TRIM72: variants seen among roughly 807,000 people sequenced by gnomAD.
TRIM72 encodes tripartite motif containing 72, also known as tripartite motif-containing protein 72.
A neutral mutation model predicts 31.6 loss-of-function variants in TRIM72; 33 were observed. The observed-to-expected ratio is 1.04, with a 90% CI of 0.79 to 1.40. The LOEUF (loss-of-function observed/expected upper bound fraction) is 1.40. Ranked by LOEUF, TRIM72 falls within the 40% of genes most tolerant of loss-of-function variation. The probability of loss-of-function intolerance (pLI) is 0.00; values close to 1 mark genes in which losing one functional copy is unlikely to be tolerated. For synonymous variants in TRIM72, 301 were observed against 314.4 expected (o/e 0.96, Z 0.45); for missense variants, 666 against 682.7 (o/e 0.98, Z 0.27).
intron 2 of TRIM72, chr16:31,217,280 G>A: frequency 1.9e-6 from 1 of 530,664 alleles, no homozygotes; most frequent in Non-Finnish European, 3.3e-6. Context: ...CTGCAGAGGA[G>A]GAAACAGGTT....
At position 31,224,803 on chromosome 16, in the gene TRIM72, A is replaced by G. The variant is rs1235130311; in HGVS notation, c.*48A>G. 3.5e-6 allele frequency: 5 copies of G among 1,408,892 alleles called. No homozygotes were observed. In the East Asian group the frequency reaches 1.1e-4, roughly 30 times the overall value. The allele number at this position is 1,408,892 out of a possible 1,614,324, so 87.3% of individuals were successfully genotyped here. On this transcript the variant is annotated 3_prime_UTR_variant, in exon 7 of 7. Coordinates refer to ENST00000322122, the MANE Select transcript of TRIM72 (RefSeq NM_001008274.4). Reference sequence around the variant, plus strand: ...GGCGCGGGGGCCTGGGTTGAAGCTTAGGTCTCCTTGGTCGGGTCTGACGGG... The same window carrying G: ...GGCGCGGGGGCCTGGGTTGAAGCTTGGGTCTCCTTGGTCGGGTCTGACGGG...
rs2079499032 is a variant in TRIM72, at chr16:31,214,794, A to C, written c.56A>C (p.Gln19Pro). ...GAGCTGTCCTGCCCGCTGTGCCTGC[A>C]GCTGTTCGACGCGCCCGTGACAGCC... ...HQELSCPLCL[Q>P]LFDAPVTAEC... The change falls in exon 2 of 7, where the codon CAG becomes CCG. Residue 19 changes from glutamine to proline, a missense_variant. Transcript: ENST00000322122. 6.3e-7 allele frequency: 1 copy of C among 1,581,956 alleles called. No homozygotes were observed. Among genetic ancestry groups the C allele is most frequent in the South Asian group, 1.1e-5 (1 of 89,072 alleles).
intron 5 of TRIM72, 75 bp downstream of exon 5, chr16:31,220,993 A>C (rs1363520201): frequency 1.3e-6 from 2 of 1,585,248 alleles, no homozygotes; most frequent in African/African-American, 2.7e-5. Context: ...CTCACTCTCC[A>C]CTCACTATTG....
intron 2 of TRIM72, among the ~76,000 whole-genome samples, chr16:31,217,975 G>A (rs2079517926): frequency 6.6e-6 from 1 of 152,148 alleles, no homozygotes; most frequent in Non-Finnish European, 1.5e-5. Flanking sequence ...GTACAGGCAG[G>A]CTGACTTGGT....
chr16:31,216,436 A>C lies in TRIM72; in HGVS notation c.390+1308A>C, dbSNP rs996835909. On this transcript the variant is annotated intron_variant, in intron 2 of 6. Coordinates refer to ENST00000322122, the MANE Select transcript of TRIM72 (RefSeq NM_001008274.4). This position sits in a 1 kb window ranked among gnomAD's most constrained non-coding sequence, Gnocchi z 6.7. ...CTTGCTGCCGCTAAAAAAAAAACAA[A>C]AAACAAACAAACAAAAAAAACCCAA... The C allele has an allele frequency of 2.3e-5, 8 of 352,706 alleles. No individual in the cohort carries two copies. The highest frequency in any genetic ancestry group is 4.1e-5 in the Non-Finnish European group (8 of 195,004). The allele number at this position is 352,706 out of a possible 1,614,324, so 21.8% of individuals were successfully genotyped here.
In TRIM72 at chr16:31,219,539, C is replaced by G; in HGVS notation, c.717+20C>G. ...CTCATGGTGAGCACTGGGTGACCCCCCTCCCTGCCTCAGCCCCCTGCTCAG... is the reference window on the plus strand; with the variant it reads ...CTCATGGTGAGCACTGGGTGACCCCGCTCCCTGCCTCAGCCCCCTGCTCAG... On this transcript the variant is annotated intron_variant, in intron 4 of 6. Coordinates refer to ENST00000322122, the MANE Select transcript of TRIM72 (RefSeq NM_001008274.4). The surrounding 1 kb of genome is among the most constrained non-coding windows in gnomAD (Gnocchi z 4.2). 6.3e-7 allele frequency: 1 copy of G among 1,592,932 alleles called. No homozygotes were observed. The highest frequency in any genetic ancestry group is 8.6e-7 in the Non-Finnish European group (1 of 1,168,530).
intron 5 of TRIM72, among the ~76,000 whole-genome samples, chr16:31,222,424 A>G (rs1450405000): frequency 6.7e-6 from 1 of 150,338 alleles, no homozygotes; most frequent in African/African-American, 2.4e-5. Context: ...AAACCAAATA[A>G]ACAGTGGTAA....
At position 31,214,810 on chromosome 16, in the gene TRIM72, C is replaced by T. The variant is rs897606182; in HGVS notation, c.72C>T (p.Pro24=). 3 of 1,573,594 alleles carry T rather than the reference C, an allele frequency of 1.9e-6. No individual in the cohort carries two copies. Among genetic ancestry groups the T allele is most frequent in the African/African-American group, 1.4e-5 (1 of 72,456 alleles). ...CPLCLQLFDA[P]VTAECGHSFC... ...TGTGCCTGCAGCTGTTCGACGCGCC[C>T]GTGACAGCCGAGTGCGGCCACAGTT... is the stretch of plus-strand genomic sequence containing the variant. The change falls in exon 2 of 7, where the codon CCC becomes CCT. Residue 24 remains proline (P), a synonymous_variant. Coordinates refer to ENST00000322122, the MANE Select transcript of TRIM72 (RefSeq NM_001008274.4).
rs904187536 is a variant in TRIM72, at chr16:31,215,364, C to T, written c.390+236C>T. 6.6e-6 allele frequency among the ~76,000 whole-genome samples: 1 copy of T among 152,164 alleles called. No homozygotes were observed. The highest frequency in any genetic ancestry group is 6.5e-5 in the Admixed American group (1 of 15,280). On this transcript the variant is annotated intron_variant, in intron 2 of 6. Coordinates refer to ENST00000322122, the MANE Select transcript of TRIM72 (RefSeq NM_001008274.4). This position sits in a 1 kb window ranked among gnomAD's most constrained non-coding sequence, Gnocchi z 6.3. ...CCTGGCGATAAGGGCGCTGAGCAAA[C>T]GTAGGTTTCCCGGCCTTAGTCCCTA...
chr16:31,223,533 G>A (rs1189649412), intron 6 of TRIM72, among the ~76,000 whole-genome samples: 1 of 152,192 alleles, frequency 6.6e-6, no homozygotes, highest in Non-Finnish European at 1.5e-5. Flanking sequence ...CTAGGCTGAT[G>A]TGAAGATCAG....
At position 31,226,326 on chromosome 16, in the gene TRIM72, A is replaced by T. The variant is rs1438780968; in HGVS notation, c.*1571A>T. 2 of 152,144 alleles carry T rather than the reference A, an allele frequency of 1.3e-5. No homozygotes were observed. Among genetic ancestry groups the T allele is most frequent in the Non-Finnish European group, 2.9e-5 (2 of 68,030 alleles). The allele number at this position is 152,144 out of a possible 1,614,324, so 9.4% of individuals were successfully genotyped here. On this transcript the variant is annotated 3_prime_UTR_variant, in exon 7 of 7. Transcript: ENST00000322122. The stretch of plus-strand genomic sequence containing the variant: ...AAGCAAAGACACTTAAGGGCTGGGT[A>T]CTCATGCCTGTAAACCCAACACTTT...
Position 31,216,960 on chromosome 16 carries a change from G to GGGGC in TRIM72, c.390+1832_390+1833insGGGC, listed in dbSNP as rs1179179958. ...GCGGCACCGTCCCCAGCTTCATCTT[G>GGGGC]AACTTCTTGAGCTCCTCCGGTGTCA... On this transcript the variant is annotated intron_variant, in intron 2 of 6. Coordinates refer to ENST00000322122, the MANE Select transcript of TRIM72 (RefSeq NM_001008274.4). This position sits in a 1 kb window ranked among gnomAD's most constrained non-coding sequence, Gnocchi z 6.7. 7 of 1,614,042 alleles carry GGGGC rather than the reference G, an allele frequency of 4.3e-6. No homozygotes were observed. The highest frequency in any genetic ancestry group is 5.9e-6 in the Non-Finnish European group (7 of 1,180,030).
intron 6 of TRIM72, among the ~76,000 whole-genome samples, chr16:31,223,685 C>T (rs1032868379): frequency 2.0e-5 from 3 of 152,092 alleles, no homozygotes; most frequent in African/African-American, 4.8e-5. Context: ...GGGAGGATCA[C>T]TTGAGCCCAG....
intron 5 of TRIM72, among the ~76,000 whole-genome samples, chr16:31,221,705 GGGCATTGCGGGGAGAAA>G (rs1451578964): frequency 3.8e-4 from 55 of 144,370 alleles, no homozygotes; most frequent in African/African-American, 1.4e-3. Flanking sequence ...GTGGGGAGAA[GGGCATTGCGGGGAGAAA>G]GGCATTGCTG....
At position 31,215,227 on chromosome 16, in the gene TRIM72, G is replaced by C. The variant is rs2079502202; in HGVS notation, c.390+99G>C. On this transcript the variant is annotated intron_variant, in intron 2 of 6. Coordinates refer to ENST00000322122, the MANE Select transcript of TRIM72 (RefSeq NM_001008274.4). The surrounding 1 kb of genome is among the most constrained non-coding windows in gnomAD (Gnocchi z 6.3). ...GATTTGGATTCTGAGTCTCTAGAGA[G>C]GCTCACGAGCTCCTGGAGTTGCGGG... 1 of 1,346,444 alleles carries C rather than the reference G, an allele frequency of 7.4e-7. No homozygotes were observed. Among genetic ancestry groups the C allele is most frequent in the Non-Finnish European group, 9.5e-7 (1 of 1,048,288 alleles). 83.4% of individuals were successfully genotyped at this position (1,346,444 alleles called of 1,614,324 possible). A position where few individuals can be genotyped will look rare whatever the true frequency, so the allele number is the denominator to read the frequency against.
chr16:31,222,718 T>G, intron 5 of TRIM72, 109 bp from the exon 6 acceptor site: 1 of 600,966 alleles, frequency 1.7e-6, no homozygotes, highest in South Asian at 2.3e-5. Flanking sequence ...AAACCAAAAC[T>G]CCAAAGGAAG....
In TRIM72 at chr16:31,224,268, A is replaced by C; in HGVS notation, c.947A>C (p.Gln316Pro). The change falls in exon 7 of 7, where the codon CAG becomes CCG. Residue 316 changes from glutamine (Q) to proline (P), a missense_variant. Gln to Pro is a moderately conservative substitution (Grantham distance 76, BLOSUM62 -1). Coordinates refer to ENST00000322122, the MANE Select transcript of TRIM72 (RefSeq NM_001008274.4). Reference sequence around the variant, plus strand: ...GGCCGCCGCGTGGAGTGCTCGGAGCAGAAGGCGCCGCCGGCCGGGGAGGAC... The same window carrying C: ...GGCCGCCGCGTGGAGTGCTCGGAGCCGAAGGCGCCGCCGGCCGGGGAGGAC... The part of the protein sequence containing the change: ...SSGRRVECSE[Q>P]KAPPAGEDPR... The C allele has an allele frequency of 6.2e-7, 1 of 1,604,314 alleles. No individual in the cohort carries two copies. Among genetic ancestry groups the C allele is most frequent in the South Asian group, 1.1e-5 (1 of 90,908 alleles).
Position 31,216,429 on chromosome 16 carries a change from A to C in TRIM72, c.390+1301A>C, listed in dbSNP as rs560417722. ...AATAAATCTTGCTGCCGCTAAAAAAAAAACAAAAAACAAACAAACAAAAAA... is the reference window on the plus strand; with the variant it reads ...AATAAATCTTGCTGCCGCTAAAAAACAAACAAAAAACAAACAAACAAAAAA... On this transcript the variant is annotated intron_variant, in intron 2 of 6. Coordinates refer to ENST00000322122, the MANE Select transcript of TRIM72 (RefSeq NM_001008274.4). The surrounding 1 kb of genome is among the most constrained non-coding windows in gnomAD (Gnocchi z 6.7). The C allele has an allele frequency of 2.1e-5, 7 of 335,670 alleles. No individual in the cohort carries two copies. The highest frequency in any genetic ancestry group is 1.5e-4 in the African/African-American group (7 of 47,042). 20.8% of individuals were successfully genotyped at this position (335,670 alleles called of 1,614,324 possible).
rs2079500761 is a variant in TRIM72 at position 31,215,045 on chromosome 16, C to T, written c.307C>T (p.Leu103=). The change falls in exon 2 of 7, where the codon CTG becomes TTG. Residue 103 remains leucine, a synonymous_variant. Coordinates refer to ENST00000322122, the MANE Select transcript of TRIM72 (RefSeq NM_001008274.4). The surrounding 1 kb of genome is among the most constrained non-coding windows in gnomAD (Gnocchi z 6.3). Reference sequence around the variant, plus strand: ...CATCTACTGCGAGCAGGACCGCGCGCTGGTGTGCGGAGTGTGCGCCTCACT... The same window carrying T: ...CATCTACTGCGAGCAGGACCGCGCGTTGGTGTGCGGAGTGTGCGCCTCACT... ...LSIYCEQDRA[L]VCGVCASLGS... is the part of the protein sequence containing the mutation. The T allele has an allele frequency of 4.7e-6, 7 of 1,505,326 alleles. No homozygotes were observed. The highest frequency in any genetic ancestry group is 1.4e-5 in the African/African-American group (1 of 69,300). The allele number at this position is 1,505,326 out of a possible 1,614,324, so 93.2% of individuals were successfully genotyped here.
Sources: allele counts gnomAD v4.1 joint callset (sites outside exome capture counted in the v4.1 genomes callset), GRCh38; gene constraint gnomAD v4.1.1; non-coding constraint Gnocchi (gnomAD v3.1); transcripts MANE v1.5; gene names NCBI Gene and HGNC (gene_info 2026-07-23, HGNC 2026-07-21).